Variants in TRPM3 observed in about 807,000 individuals in gnomAD.
TRPM3 encodes long transient receptor potential channel 3.
A neutral mutation model predicts 181.2 loss-of-function variants in TRPM3; 77 were observed. The observed-to-expected ratio is 0.42, with a 90% confidence interval of 0.35 to 0.51. The LOEUF (loss-of-function observed/expected upper bound fraction) is 0.51. Ranked by LOEUF, TRPM3 falls within the 20% of genes least tolerant of loss-of-function variation. TRPM3 has a pLI of 0.01. For missense variants in TRPM3, 1,759 were observed against 2,196.7 expected (o/e 0.80, Z 3.98); for synonymous variants, 745 against 796.4 (o/e 0.94, Z 1.09).
chr9:71,315,809 T>C (rs1255998922), intron 1 of TRPM3, among the ~76,000 whole-genome samples: 1 of 152,192 alleles, frequency 6.6e-6, no homozygotes, highest in Non-Finnish European at 1.5e-5. Flanking sequence ...TTTGCAAATT[T>C]AAAAACTAGA....
intron 8 of TRPM3, among the ~76,000 whole-genome samples, chr9:70,745,320 C>A (rs557509381): frequency 6.9e-4 from 105 of 152,004 alleles, no homozygotes; most frequent in Admixed American, 2.0e-3. Context: ...ACTGCATCAA[C>A]CTTATTTCTA....
At chr9:70,740,803 A>G (rs976161506) in intron 8 of TRPM3, among the ~76,000 whole-genome samples, 2 of 152,198 alleles carry the variant, frequency 1.3e-5, no homozygotes, top group African/African-American at 2.4e-5. Flanking sequence ...TACCTTATAC[A>G]AAAATCAACT....
chr9:71,119,505 G>T (rs2073156511), intron 1 of TRPM3, among the ~76,000 whole-genome samples: 1 of 151,862 alleles, frequency 6.6e-6, no homozygotes, highest in Non-Finnish European at 1.5e-5. Context: ...TTCTCTGCTG[G>T]TTTTGTGACT....
chr9:71,146,437 A>C (rs2075412290), intron 1 of TRPM3, among the ~76,000 whole-genome samples: 1 of 152,146 alleles, frequency 6.6e-6, no homozygotes, highest in Non-Finnish European at 1.5e-5. Flanking sequence ...CATTAACTTG[A>C]GATTCTGTTT....
chr9:70,694,767 A>G (rs1335895328), intron 8 of TRPM3, among the ~76,000 whole-genome samples: 1 of 152,250 alleles, frequency 6.6e-6, no homozygotes, highest in Non-Finnish European at 1.5e-5. Context: ...GGCGTAAGCC[A>G]CCATGCCATT....
chr9:70,617,103 G>A (rs913623186), intron 17 of TRPM3, among the ~76,000 whole-genome samples: 3 of 152,166 alleles, frequency 2.0e-5, no homozygotes, highest in African/African-American at 7.2e-5. Flanking sequence ...CCACAGGGAC[G>A]CCAAAGTAGT....
At chr9:70,802,428 C>T (rs762860542) in intron 6 of TRPM3, among the ~76,000 whole-genome samples, 2 of 152,166 alleles carry the variant, frequency 1.3e-5, no homozygotes, top group Non-Finnish European at 2.9e-5. Context: ...GACTATGTTG[C>T]AATAAACCTT....
At chr9:71,240,386 G>C (rs1391936324) in intron 1 of TRPM3, among the ~76,000 whole-genome samples, 1 of 152,050 alleles carries the variant, frequency 6.6e-6, no homozygotes, top group Non-Finnish European at 1.5e-5. Flanking sequence ...TTTTATCCCT[G>C]GTGTTCCATT....
intron 1 of TRPM3, among the ~76,000 whole-genome samples, chr9:71,106,351 C>T (rs1183793919): frequency 6.6e-6 from 1 of 152,118 alleles, no homozygotes; most frequent in Non-Finnish European, 1.5e-5. Context: ...GGGCAGATCC[C>T]TCGTGAATGG....
rs957195672 is a variant in TRPM3, at chr9:71,307,894, T to A, written c.183+138759A>T. 4.6e-5 allele frequency among the ~76,000 whole-genome samples: 7 copies of A among 152,144 alleles called. No homozygotes were observed. In the East Asian group the frequency reaches 1.3e-3, roughly 29 times the overall value. ...ACTATTTCTAGTAAGGCATTTATTT[T>A]GTTTTAAAAATTTATTTACTTTGAA... On this transcript the variant is annotated intron_variant, in intron 1 of 24. Coordinates refer to the TRPM3 transcript ENST00000357533.
At chr9:71,157,512 G>A (rs191265169) in intron 1 of TRPM3, among the ~76,000 whole-genome samples, 5 of 152,186 alleles carry the variant, frequency 3.3e-5, no homozygotes, top group Admixed American at 6.6e-5. Context: ...AGAGCAGGAC[G>A]AGATTAAGCC....
At chr9:71,335,789 A>G (rs1319441973) in intron 1 of TRPM3, among the ~76,000 whole-genome samples, 1 of 12,018 alleles carries the variant, frequency 8.3e-5, no homozygotes, top group Admixed American at 1.1e-3. Context: ...GGAATTTATT[A>G]GAATCTAACA....
chr9:70,823,520 T>C (rs368557386), intron 6 of TRPM3, among the ~76,000 whole-genome samples: 2 of 152,216 alleles, frequency 1.3e-5, no homozygotes, highest in African/African-American at 4.8e-5. Context: ...TACCTCCTCA[T>C]AGAGGTCATT....
intron 1 of TRPM3, among the ~76,000 whole-genome samples, chr9:71,025,745 C>G (rs960057329): frequency 3.9e-5 from 6 of 152,164 alleles, no homozygotes; most frequent in African/African-American, 1.2e-4. Flanking sequence ...AGTCTTCAGC[C>G]TGGGCCCTGT....
intron 1 of TRPM3, among the ~76,000 whole-genome samples, chr9:71,017,709 A>G (rs1049299231): frequency 3.9e-5 from 6 of 151,902 alleles, no homozygotes; most frequent in African/African-American, 1.4e-4. Flanking sequence ...AAAAATTGAT[A>G]GACCCAATAA....
At chr9:71,332,376 G>GGTGT (rs3041716) in intron 1 of TRPM3, among the ~76,000 whole-genome samples, 14,319 of 142,200 alleles carry the variant, frequency 0.1, 887 homozygotes, top group Admixed American at 0.19. Flanking sequence ...TTCAATGTTG[G>GGTGT]GTGTGTGTGT....
chr9:70,936,950 A>G (rs1308484790), intron 1 of TRPM3, among the ~76,000 whole-genome samples: 1 of 152,204 alleles, frequency 6.6e-6, no homozygotes, highest in African/African-American at 2.4e-5. Context: ...CTTATCACCA[A>G]TTTTTAATCT....
chr9:71,217,229 C>T (rs942507196), intron 1 of TRPM3, among the ~76,000 whole-genome samples: 26 of 152,222 alleles, frequency 1.7e-4, no homozygotes, highest in African/African-American at 5.8e-4. Flanking sequence ...GGATTACAGG[C>T]GTGAGCCACC....
At chr9:70,651,282 C>G (rs1482575511) in intron 9 of TRPM3, among the ~76,000 whole-genome samples, 1 of 152,118 alleles carries the variant, frequency 6.6e-6, no homozygotes, top group Non-Finnish European at 1.5e-5. Context: ...AGATTTTGCT[C>G]TTTTGTTATT....
Sources: gnomAD v4.1 joint callset for allele counts (sites outside exome capture counted in the v4.1 genomes callset) on GRCh38, gnomAD v4.1.1 for gene constraint, MANE v1.5 for transcripts, NCBI Gene and HGNC (gene_info 2026-07-23, HGNC 2026-07-21) for gene names.